Variants in LDAH observed in about 807,000 individuals in gnomAD.
LDAH encodes lipid droplet-associated hydrolase.
In LDAH, 26 loss-of-function variants were observed where a neutral mutation model predicts 29.6. The observed-to-expected ratio is 0.88, with a 90% CI of 0.64 to 1.22. The LOEUF (loss-of-function observed/expected upper bound fraction) is 1.22. Among genes scored for constraint, LDAH ranks in the 50% most tolerant of loss-of-function variants. The pLI, the probability that LDAH is intolerant of heterozygous loss-of-function variation, is 0.00. For missense variants in LDAH, 344 were observed against 387.3 expected, an observed-to-expected ratio of 0.89 and a Z score of 0.94; for synonymous variants, 117 against 133.0, an observed-to-expected ratio of 0.88 and a Z score of 0.83.
At chr2:20,795,945 CCACACACACACACACA>C (rs57619975) in intron 2 of LDAH, among the ~76,000 whole-genome samples, 17 of 141,896 alleles carry the variant, frequency 1.2e-4, no homozygotes, top group South Asian at 2.4e-4. Flanking sequence ...CCGAAACCTG[CCACACACACACACACA>C]CACACACACA....
At position 20,753,664 on chromosome 2, in the gene LDAH, A is replaced by G. The variant is rs544167405; in HGVS notation, c.469-13459T>C. Among the ~76,000 whole-genome samples the G allele has an allele frequency of 1.4e-3, 218 of 152,318 alleles. 4 individuals are homozygous for G. In the South Asian group the frequency reaches 0.042, roughly 29 times the overall value. The stretch of plus-strand genomic sequence containing the variant: ...ACACCTTAGTCACTTTGCTCCAGTC[A>G]CACTGGCCTTGCTGTTTCTCAAACA... On this transcript the variant is annotated intron_variant, in intron 4 of 6. Transcript: ENST00000237822.
chr2:20,696,443 C>G (rs1663487235), intron 6 of LDAH, among the ~76,000 whole-genome samples: 1 of 152,322 alleles, frequency 6.6e-6, no homozygotes, highest in East Asian at 1.9e-4. Context: ...GGCAGCCCCC[C>G]TACCACTGCC....
At chr2:20,726,108 C>T (rs1665994699) in intron 5 of LDAH, among the ~76,000 whole-genome samples, 1 of 152,138 alleles carries the variant, frequency 6.6e-6, no homozygotes, top group African/African-American at 2.4e-5. Flanking sequence ...GAAATAGGGC[C>T]TTTGAATATT....
rs1662617564 is a variant in LDAH, at chr2:20,687,112, A to C, written c.787-18T>G. ...AATGTAAGCTGAAAGACAAGACAAA[A>C]ACCTTTTATTAGAAAACACGTTCCC... On this transcript the variant is annotated intron_variant, in intron 6 of 6. Transcript: ENST00000237822. The C allele has an allele frequency of 6.3e-7, 1 of 1,594,088 alleles. No homozygotes were observed. The highest frequency in any genetic ancestry group is 1.4e-5 in the African/African-American group (1 of 74,054).
chr2:20,748,390 C>T (rs1474034581), intron 4 of LDAH, among the ~76,000 whole-genome samples: 2 of 152,228 alleles, frequency 1.3e-5, no homozygotes, highest in Non-Finnish European at 2.9e-5. Context: ...TAACTTATAA[C>T]TGCACAAACA....
At chr2:20,764,769 G>C (rs1668919190) in intron 4 of LDAH, among the ~76,000 whole-genome samples, 1 of 152,192 alleles carries the variant, frequency 6.6e-6, no homozygotes, top group South Asian at 2.1e-4. Flanking sequence ...AACTCACCTA[G>C]AAAACAGGTA....
At chr2:20,801,884 A>G (rs1039562595) in intron 1 of LDAH, among the ~76,000 whole-genome samples, 2 of 151,040 alleles carry the variant, frequency 1.3e-5, no homozygotes, top group Admixed American at 6.6e-5. Context: ...TGAACTCCCT[A>G]TGGTCTCTTA....
At position 20,701,770 on chromosome 2, in the gene LDAH, G is replaced by T; in HGVS notation, c.704-118C>A. 4.9e-6 allele frequency: 4 copies of T among 819,582 alleles called. No homozygotes were observed. In the Admixed American group the frequency reaches 7.7e-5, roughly 16 times the overall value. 50.8% of individuals were successfully genotyped at this position (819,582 alleles called of 1,614,324 possible). A position where few individuals can be genotyped will look rare whatever the true frequency, so the allele number is the denominator to read the frequency against. On this transcript the variant is annotated intron_variant, in intron 5 of 6. Coordinates refer to ENST00000237822, the MANE Select transcript of LDAH (RefSeq NM_021925.4). ...TTTTGGCACGTGCTATCTGATGAGA[G>T]ATACTGGTGAGGCCAACAGAGGAAT...
At chr2:20,756,250 G>C (rs918511182) in intron 4 of LDAH, among the ~76,000 whole-genome samples, 1 of 152,020 alleles carries the variant, frequency 6.6e-6, no homozygotes, top group Non-Finnish European at 1.5e-5. Context: ...GGTCAGGCTG[G>C]TCTCGAACTC....
chr2:20,738,525 G>A (rs556876936), intron 5 of LDAH, among the ~76,000 whole-genome samples: 119 of 151,892 alleles, frequency 7.8e-4, no homozygotes, highest in South Asian at 1.7e-3. Context: ...TCTTTCTTGC[G>A]CGAGATCCAA....
At chr2:20,801,964 G>GTGTT (rs1671719156) in intron 1 of LDAH, among the ~76,000 whole-genome samples, 1 of 148,882 alleles carries the variant, frequency 6.7e-6, no homozygotes, top group Non-Finnish European at 1.5e-5. Flanking sequence ...GTGTATGTGT[G>GTGTT]TGTGTGTGTG....
In LDAH at chr2:20,789,387, G is replaced by A; in HGVS notation, c.298+868C>T. On this transcript the variant is annotated intron_variant, in intron 3 of 6. Transcript: ENST00000237822. ...TTCATCAGACATCGAATCTGCCAGT[G>A]CAGACTGGACTGGACGTCCAGTCTC... 2.0e-6 allele frequency: 3 copies of A among 1,476,216 alleles called. No individual in the cohort carries two copies. The African/African-American group carries it at 4.2e-5, about 21-fold the overall frequency. The allele number at this position is 1,476,216 out of a possible 1,614,324, so 91.4% of individuals were successfully genotyped here.
intron 5 of LDAH, among the ~76,000 whole-genome samples, chr2:20,724,435 G>C (rs1336497451): frequency 6.6e-6 from 1 of 152,156 alleles, no homozygotes; most frequent in Non-Finnish European, 1.5e-5. Flanking sequence ...CTCACAGCAG[G>C]TATCAGTAAG....
intron 4 of LDAH, among the ~76,000 whole-genome samples, chr2:20,764,006 C>T (rs751711223): frequency 2.0e-5 from 3 of 150,202 alleles, no homozygotes; most frequent in Non-Finnish European, 4.4e-5. Context: ...CATATTAAGT[C>T]GTTTTTGAGT....
In LDAH at chr2:20,685,398, C is replaced by A; in HGVS notation, c.*1505G>T. On this transcript the variant is annotated 3_prime_UTR_variant, in exon 7 of 7. Transcript: ENST00000237822. ...CAGATGCCAATAAAGGATCTGTGTA[C>A]AGCCCTGTGCTTACGGCCTATGTAT... 1.0e-6 allele frequency: 1 copy of A among 970,694 alleles called. No individual in the cohort carries two copies. The highest frequency in any genetic ancestry group is 1.5e-6 in the Non-Finnish European group (1 of 676,078). The allele number at this position is 970,694 out of a possible 1,614,324, so 60.1% of individuals were successfully genotyped here. A position where few individuals can be genotyped will look rare whatever the true frequency, so the allele number is the denominator to read the frequency against.
At chr2:20,810,548 G>A (rs1672397113) in intron 1 of LDAH, among the ~76,000 whole-genome samples, 1 of 152,192 alleles carries the variant, frequency 6.6e-6, no homozygotes. Context: ...ATGTGGTATG[G>A]GAGTTACTAT....
intron 5 of LDAH, among the ~76,000 whole-genome samples, chr2:20,732,270 T>C (rs1558422355): frequency 6.6e-6 from 1 of 152,168 alleles, no homozygotes; most frequent in African/African-American, 2.4e-5. Context: ...TTTTTATATA[T>C]TGCTGAATTC....
intron 4 of LDAH, among the ~76,000 whole-genome samples, chr2:20,750,843 T>G (rs898793451): frequency 1.2e-4 from 18 of 152,316 alleles, no homozygotes; most frequent in Middle Eastern, 3.4e-3. Flanking sequence ...AAGAATGAAA[T>G]CATGTCCTTT....
intron 6 of LDAH, among the ~76,000 whole-genome samples, chr2:20,699,723 T>G (rs1255387951): frequency 6.6e-6 from 1 of 152,232 alleles, no homozygotes; most frequent in Non-Finnish European, 1.5e-5. Flanking sequence ...GACTGTGTGT[T>G]AATACTAACC....
Sources: allele counts gnomAD v4.1 joint callset (sites outside exome capture counted in the v4.1 genomes callset), GRCh38; gene constraint gnomAD v4.1.1; transcripts MANE v1.5; gene names NCBI Gene and HGNC (gene_info 2026-07-23, HGNC 2026-07-21).